NLRC4: variants seen among roughly 807,000 people sequenced by gnomAD.
NLRC4 encodes NLR family CARD domain-containing protein 4.
Under a neutral mutation model 79.9 loss-of-function variants are expected in NLRC4, and 63 were observed. The ratio of observed to expected loss-of-function variants is 0.79; its 90% confidence interval spans 0.64 to 0.97. The LOEUF is 0.97. NLRC4 is among the 50% of genes least tolerant of loss of function. The pLI is 0.00. For synonymous variants in NLRC4, 461 were observed against 456.5 expected (o/e 1.01, Z -0.12); for missense variants, 1,074 against 1,215.2 (o/e 0.88, Z 1.73).
chr2:32,235,655 T>C (rs1246222024), intron 7 of NLRC4, 87 bp from the exon 8 acceptor site: 2 of 1,139,842 alleles, frequency 1.8e-6, no homozygotes, highest in African/African-American at 3.1e-5. Context: ...ATGATCTTTA[T>C]GTTTGGTGGC....
chr2:32,243,260 A>G (rs996819984), intron 4 of NLRC4, among the ~76,000 whole-genome samples: 5 of 146,928 alleles, frequency 3.4e-5, no homozygotes, highest in Non-Finnish European at 7.5e-5. Context: ...AATACAAAAA[A>G]TCAGCTGGGT....
At chr2:32,244,070 C>G (rs527899189) in intron 4 of NLRC4, among the ~76,000 whole-genome samples, 1 of 151,980 alleles carries the variant, frequency 6.6e-6, no homozygotes, top group African/African-American at 2.4e-5. Context: ...GGCAACATAG[C>G]GAGAACTCGT....
intron 2 of NLRC4, among the ~76,000 whole-genome samples, chr2:32,254,024 T>C (rs1005418601): frequency 2.0e-5 from 3 of 148,114 alleles, no homozygotes; most frequent in Admixed American, 6.8e-5. Context: ...GCCCTGGCCC[T>C]CTGGGAGTAA....
At chr2:32,245,310 C>CAAAAAAAAAAAAAAAAAAAAAAAAAAA in intron 4 of NLRC4, among the ~76,000 whole-genome samples, 1 of 77,958 alleles carries the variant, frequency 1.3e-5, no homozygotes, top group Non-Finnish European at 2.3e-5. Flanking sequence ...GACTCCTTCT[C>CAAAAAAAAAAAAAAAAAAAAAAAAAAA]AAAAAAAAAA....
chr2:32,249,877 C>G lies in NLRC4; in HGVS notation c.1987G>C (p.Glu663Gln). ...TTGCTGAAATCCCGGAGTGTGACCT[C>G]CAGAGTCCTGAATTCCTGCTTCCAG... ...FNWKQEFRTL[E>Q]VTLRDFSKLN... Residue 663 changes from glutamate (E) to glutamine (Q), a missense_variant, in exon 4 of 9, where the codon GAG becomes CAG. Physicochemically the swap from Glu to Gln is conservative, Grantham distance 29. Transcript: ENST00000402280. 1 of 1,614,196 alleles carries G rather than the reference C, an allele frequency of 6.2e-7. No homozygotes were observed. Among genetic ancestry groups the G allele is most frequent in the Non-Finnish European group, 8.5e-7 (1 of 1,180,046 alleles).
intron 4 of NLRC4, among the ~76,000 whole-genome samples, chr2:32,242,655 A>C (rs1428574793): frequency 4.6e-5 from 7 of 152,238 alleles, no homozygotes; most frequent in Non-Finnish European, 8.8e-5. Context: ...CCAATTCTAC[A>C]CAGTCACTTC....
rs61741169 is a variant in NLRC4 at position 32,249,994 on chromosome 2, A to T, written c.1870T>A (p.Trp624Arg). 1.5e-3 allele frequency: 2,499 copies of T among 1,614,144 alleles called. 46 individuals carry two copies. The African/African-American group carries it at 0.03, about 19-fold the overall frequency. ...LDFYGGAMAS[W>R]EKAAEDTGGI... ...CCTGTGTCTTCTGCAGCCTTTTCCC[A>T]TGAAGCCATAGCTCCCCCATAAAAG... Residue 624 changes from tryptophan to arginine, a missense_variant, in exon 4 of 9, where the codon TGG becomes AGG. Trp to Arg is a moderately radical substitution (Grantham distance 101, BLOSUM62 -3). Transcript: ENST00000402280.
intron 2 of NLRC4, 76 bp downstream of exon 2, chr2:32,256,699 T>TC: frequency 2.6e-6 from 2 of 755,308 alleles, no homozygotes; most frequent in Non-Finnish European, 2.5e-6. Context: ...AGCCATGAAC[T>TC]GATTTTCCAT....
intron 7 of NLRC4, among the ~76,000 whole-genome samples, chr2:32,235,992 A>G (rs993337587): frequency 6.6e-6 from 1 of 152,192 alleles, no homozygotes; most frequent in Non-Finnish European, 1.5e-5. Flanking sequence ...TACTCTTGAC[A>G]GTTGCCTCTT....
chr2:32,258,583 T>A (rs905104471), intron 1 of NLRC4, among the ~76,000 whole-genome samples: 7 of 152,140 alleles, frequency 4.6e-5, no homozygotes, highest in Admixed American at 1.3e-4. Flanking sequence ...GCTTCCAGGG[T>A]ACAAAGGGGA....
intron 8 of NLRC4, among the ~76,000 whole-genome samples, chr2:32,230,471 A>ATT (rs58666767): frequency 0.095 from 12,083 of 126,586 alleles, 683 homozygotes; most frequent in Middle Eastern, 0.15. Context: ...AGCCCCCGCT[A>ATT]TTTTTTTTTT....
rs1247492659 is a variant in NLRC4, at chr2:32,252,409, T to C, written c.262+10A>G. On this transcript the variant is annotated intron_variant, in intron 3 of 8. Coordinates refer to ENST00000402280, the MANE Select transcript of NLRC4 (RefSeq NM_001199138.2). ...TTGCAGAAACAGATGCAAAACTAAC[T>C]GATACTTACTTTGTCCATTCAAGTC... The C allele has an allele frequency of 3.1e-6, 5 of 1,595,646 alleles. No individual in the cohort carries two copies. Among genetic ancestry groups the C allele is most frequent in the Non-Finnish European group, 4.3e-6 (5 of 1,163,540 alleles).
At chr2:32,252,799 A>G in intron 2 of NLRC4, 120 bp from the exon 3 acceptor site, 2 of 742,838 alleles carry the variant, frequency 2.7e-6, no homozygotes, top group South Asian at 1.7e-5. Flanking sequence ...CGGGCAGATC[A>G]CGAGGTCAGG....
At chr2:32,228,922 C>T (rs1299551579) in intron 8 of NLRC4, among the ~76,000 whole-genome samples, 1 of 151,848 alleles carries the variant, frequency 6.6e-6, no homozygotes, top group Admixed American at 6.6e-5. Flanking sequence ...ATGTGCACTA[C>T]GCCCAGCTAA....
Position 32,250,242 on chromosome 2 carries a change from G to T in NLRC4, c.1622C>A (p.Thr541Asn). The T allele has an allele frequency of 6.2e-7, 1 of 1,614,162 alleles. No individual in the cohort carries two copies. The highest frequency in any genetic ancestry group is 8.5e-7 in the Non-Finnish European group (1 of 1,180,050). Residue 541 changes from threonine (T) to asparagine (N), a missense_variant, in exon 4 of 9, where the codon ACT becomes AAT. Transcript: ENST00000402280. The surrounding 1 kb of genome is among the most constrained non-coding windows in gnomAD (Gnocchi z 4.9). ...TATGGCTTTCAGAATTTCTTGCTCA[G>T]TGGTGTTTTTCACACTTTGCAAAGA... is the stretch of plus-strand genomic sequence containing the variant. ...QESLQSVKNT[T>N]EQEILKAINI...
rs1015058228 is a variant in NLRC4 at position 32,250,844 on chromosome 2, A to G, written c.1020T>C (p.Phe340=). 8 of 1,614,100 alleles carry G rather than the reference A, an allele frequency of 5.0e-6. No individual in the cohort carries two copies. Among genetic ancestry groups the G allele is most frequent in the Non-Finnish European group, 6.8e-6 (8 of 1,180,050 alleles). Residue 340 remains phenylalanine, a synonymous_variant, in exon 4 of 9, where the codon TTT becomes TTC. Transcript: ENST00000402280. The surrounding 1 kb of genome is among the most constrained non-coding windows in gnomAD (Gnocchi z 4.9). The stretch of plus-strand genomic sequence containing the variant: ...TCTGGATTGCACAAGTGATGACCAC[A>G]AAGAGAGGGGTCTTCATGAGATTCC... The part of the protein sequence containing the change: ...CLRNLMKTPL[F]VVITCAIQMG...
At chr2:32,262,276 T>G (rs1246442086) in intron 1 of NLRC4, among the ~76,000 whole-genome samples, 1 of 152,034 alleles carries the variant, frequency 6.6e-6, no homozygotes, top group Non-Finnish European at 1.5e-5. Context: ...GATTCTTCTC[T>G]CCCTTTCTAC....
chr2:32,257,208 G>C (rs1687227037), intron 1 of NLRC4, among the ~76,000 whole-genome samples: 2 of 152,238 alleles, frequency 1.3e-5, no homozygotes, highest in African/African-American at 2.4e-5. Context: ...AACATGAATG[G>C]TGCAGAGGGT....
chr2:32,259,013 G>A (rs75018196), intron 1 of NLRC4, among the ~76,000 whole-genome samples: 8 of 152,164 alleles, frequency 5.3e-5, no homozygotes, highest in African/African-American at 1.7e-4. Flanking sequence ...TGGGAGCTAT[G>A]TGAGTGTGAT....
Sources: gnomAD v4.1 joint callset for allele counts (sites outside exome capture counted in the v4.1 genomes callset) on GRCh38, gnomAD v4.1.1 for gene constraint, Gnocchi (gnomAD v3.1) non-coding constraint, MANE v1.5 for transcripts, NCBI Gene and HGNC (gene_info 2026-07-23, HGNC 2026-07-21) for gene names.